The following CDH18 variants were observed in gnomAD, a reference collection of about 807,000 sequenced individuals.
The protein encoded by CDH18 is cadherin 18.
In CDH18, 31 loss-of-function variants were observed where a neutral mutation model predicts 67.9. The ratio of observed to expected loss-of-function variants is 0.46; its 90% CI spans 0.34 to 0.62. The LOEUF is 0.62. Among genes scored for constraint, CDH18 ranks in the 20% least tolerant of loss-of-function variants. CDH18 has a pLI of 0.01. For missense variants in CDH18, 890 were observed against 975.5 expected, an observed-to-expected ratio of 0.91 and a Z score of 1.17; for synonymous variants, 362 against 347.2, an observed-to-expected ratio of 1.04 and a Z score of -0.48.
rs112554167 is a variant in CDH18, at chr5:20,123,500, C to G, written c.-517-131486G>C. Among the ~76,000 whole-genome samples the G allele has an allele frequency of 3.9e-4, 60 of 152,276 alleles. 2 individuals are homozygous for G. The highest frequency in any genetic ancestry group is 1.4e-3 in the African/African-American group (58 of 41,568). On this transcript the variant is annotated intron_variant, in intron 2 of 14. Coordinates refer to the CDH18 transcript ENST00000507958. ...CCTATTTCACAGGCTGATAACTCCC[C>G]CACATTCCTCTCCTTTAAGCTCCCA...
chr5:20,214,778 T>A (rs1740626715), intron 2 of CDH18, among the ~76,000 whole-genome samples: 1 of 152,040 alleles, frequency 6.6e-6, no homozygotes, highest in Non-Finnish European at 1.5e-5. Context: ...TAAGTAGGAA[T>A]GGGCAAAGGT....
intron 5 of CDH18, among the ~76,000 whole-genome samples, chr5:19,684,800 T>A (rs1760834833): frequency 6.6e-6 from 1 of 152,036 alleles, no homozygotes; most frequent in Non-Finnish European, 1.5e-5. Flanking sequence ...ACAATTGAAG[T>A]TTCGAGAGGT....
chr5:20,334,426 C>T (rs939069748), intron 1 of CDH18, among the ~76,000 whole-genome samples: 1 of 151,848 alleles, frequency 6.6e-6, no homozygotes, highest in African/African-American at 2.4e-5. Context: ...CGTGAGCCAC[C>T]GCGCCCGGCC....
intron 2 of CDH18, among the ~76,000 whole-genome samples, chr5:19,902,121 A>G (rs970665611): frequency 2.0e-5 from 3 of 152,200 alleles, no homozygotes; most frequent in South Asian, 2.1e-4. Context: ...GTAATACTCA[A>G]TGAATAAATG....
At chr5:19,778,305 G>A (rs779688241) in intron 3 of CDH18, among the ~76,000 whole-genome samples, 30 of 152,252 alleles carry the variant, frequency 2.0e-4, no homozygotes, top group Non-Finnish European at 2.9e-4. Context: ...AAAGATATCT[G>A]CTTTCACCTC....
chr5:20,411,796 C>CAA (rs34448304), intron 1 of CDH18, among the ~76,000 whole-genome samples: 1 of 151,238 alleles, frequency 6.6e-6, no homozygotes, highest in Non-Finnish European at 1.5e-5. Flanking sequence ...CCCCTGCCCA[C>CAA]AAAAAAATAC....
intron 5 of CDH18, among the ~76,000 whole-genome samples, chr5:19,713,661 C>A (rs1377644446): frequency 1.3e-5 from 2 of 152,042 alleles, no homozygotes; most frequent in Admixed American, 6.6e-5. Context: ...TACTTTGGTA[C>A]TTTGTTTTGG....
At chr5:19,776,498 G>T (rs760791634) in intron 3 of CDH18, among the ~76,000 whole-genome samples, 1 of 152,126 alleles carries the variant, frequency 6.6e-6, no homozygotes, top group Non-Finnish European at 1.5e-5. Flanking sequence ...AGGGATGAAT[G>T]TAGGGAGGAA....
chr5:20,518,377 A>G (rs1201336660), intron 1 of CDH18, among the ~76,000 whole-genome samples: 1 of 152,130 alleles, frequency 6.6e-6, no homozygotes, highest in Non-Finnish European at 1.5e-5. Context: ...CTGGTAGATG[A>G]CACTAAGGTA....
At chr5:20,099,872 C>T (rs1055583860) in intron 2 of CDH18, among the ~76,000 whole-genome samples, 1 of 152,108 alleles carries the variant, frequency 6.6e-6, no homozygotes, top group East Asian at 1.9e-4. Context: ...CAACCTCCAC[C>T]TCCTAGGTTC....
intron 2 of CDH18, among the ~76,000 whole-genome samples, chr5:20,092,390 A>G (rs1437921008): frequency 1.3e-5 from 2 of 152,178 alleles, no homozygotes; most frequent in Non-Finnish European, 2.9e-5. Context: ...TGAAAAATAA[A>G]TAGAGAAAAG....
At chr5:19,966,565 A>G (rs1797459169) in intron 2 of CDH18, among the ~76,000 whole-genome samples, 1 of 152,168 alleles carries the variant, frequency 6.6e-6, no homozygotes, top group African/African-American at 2.4e-5. Context: ...GGTATAAAGA[A>G]AGTAGCAAAA....
At chr5:19,788,571 GATCCATCTCAT>G (rs1776047849) in intron 3 of CDH18, among the ~76,000 whole-genome samples, 1 of 152,090 alleles carries the variant, frequency 6.6e-6, no homozygotes, top group Non-Finnish European at 1.5e-5. Context: ...CTGCCTATGA[GATCCATCTCAT>G]ATGTCCTATT....
At chr5:20,057,924 T>C (rs545119969) in intron 2 of CDH18, among the ~76,000 whole-genome samples, 2 of 152,234 alleles carry the variant, frequency 1.3e-5, no homozygotes, top group Non-Finnish European at 2.9e-5. Flanking sequence ...ACTTTTTAAA[T>C]AATGCATTAC....
At chr5:20,378,213 G>C (rs748270908) in intron 1 of CDH18, among the ~76,000 whole-genome samples, 1 of 152,032 alleles carries the variant, frequency 6.6e-6, no homozygotes, top group Non-Finnish European at 1.5e-5. Context: ...TCCCGCTGTC[G>C]TCCAAGCTGG....
At chr5:19,489,158 T>C (rs1006955744) in intron 11 of CDH18, among the ~76,000 whole-genome samples, 1 of 152,092 alleles carries the variant, frequency 6.6e-6, no homozygotes, top group African/African-American at 2.4e-5. Flanking sequence ...TGATTCCACC[T>C]AGTATATAGA....
intron 2 of CDH18, among the ~76,000 whole-genome samples, chr5:20,160,371 T>C (rs1751884208): frequency 6.6e-6 from 1 of 152,162 alleles, no homozygotes; most frequent in African/African-American, 2.4e-5. Flanking sequence ...ATACATAGAT[T>C]CAGATAGCTT....
intron 11 of CDH18, among the ~76,000 whole-genome samples, chr5:19,497,683 G>A (rs774139126): frequency 5.9e-5 from 9 of 152,136 alleles, no homozygotes; most frequent in Non-Finnish European, 1.2e-4. Context: ...ATAGATGGGC[G>A]AAGATCTTCT....
intron 2 of CDH18, among the ~76,000 whole-genome samples, chr5:20,046,533 G>C (rs1429850504): frequency 6.6e-6 from 1 of 151,302 alleles, no homozygotes; most frequent in Non-Finnish European, 1.5e-5. Flanking sequence ...GCTATAGCCA[G>C]TGAGGTGAGA....
Sources: allele counts gnomAD v4.1 joint callset (sites outside exome capture counted in the v4.1 genomes callset), GRCh38; gene constraint gnomAD v4.1.1; transcripts MANE v1.5; gene names NCBI Gene and HGNC (gene_info 2026-07-23, HGNC 2026-07-21).